Variants in ZC3HAV1 observed in about 807,000 individuals in gnomAD.
The protein encoded by ZC3HAV1 is zinc finger CCCH-type antiviral protein 1.
A neutral mutation model predicts 86.6 loss-of-function variants in ZC3HAV1; 41 were observed. The observed-to-expected ratio is 0.47, with a 90% CI of 0.37 to 0.61. The LOEUF (loss-of-function observed/expected upper bound fraction) is 0.61. Among genes scored for constraint, ZC3HAV1 ranks in the 20% least tolerant of loss-of-function variants. The pLI is 0.00. For synonymous variants in ZC3HAV1, 421 were observed against 432.1 expected, an observed-to-expected ratio of 0.97 and a Z score of 0.32; for missense variants, 964 against 1,141.1, an observed-to-expected ratio of 0.84 and a Z score of 2.24.
At chr7:139,084,949 C>T (rs962243291) in intron 2 of ZC3HAV1, among the ~76,000 whole-genome samples, 2 of 152,210 alleles carry the variant, frequency 1.3e-5, no homozygotes, top group Admixed American at 1.3e-4. Context: ...TCAAACCCCA[C>T]TAGCAATGAT....
intron 1 of ZC3HAV1, among the ~76,000 whole-genome samples, chr7:139,097,446 T>C (rs1817637947): frequency 8.0e-6 from 1 of 124,962 alleles, no homozygotes; most frequent in Non-Finnish European, 1.7e-5. Context: ...TTTTTTTTTT[T>C]TTCTTTGAGA....
chr7:139,080,083 C>A lies in ZC3HAV1; in HGVS notation c.858G>T (p.Glu286Asp), dbSNP rs2130706419. The part of the protein sequence containing the change: ...PDQISHRASL[E>D]DAPVDDLTRK... ...GGGTGAGATCGTCCACAGGCGCGTC[C>A]TCCAGGGAAGCCCTGTGGCTGATCT... Residue 286 changes from glutamate (E) to aspartate (D), a missense_variant, in exon 4 of 13, where the codon GAG (glutamate) becomes GAT (aspartate). Transcript: ENST00000242351. 6.2e-7 allele frequency: 1 copy of A among 1,614,202 alleles called. No individual in the cohort carries two copies. Among genetic ancestry groups the A allele is most frequent in the Middle Eastern group, 1.6e-4 (1 of 6,062 alleles).
chr7:139,109,360 G>T lies in ZC3HAV1; in HGVS notation c.-29C>A. Reference sequence around the variant, plus strand: ...GCGCTGGCTGTGCTGGCTCTGCCGCGGCGCGGGACTCGGTTCCGCGGAAAT... The same window carrying T: ...GCGCTGGCTGTGCTGGCTCTGCCGCTGCGCGGGACTCGGTTCCGCGGAAAT... On this transcript the variant is annotated 5_prime_UTR_variant, in exon 1 of 13. Transcript: ENST00000242351. 1 of 1,535,346 alleles carries T rather than the reference G, an allele frequency of 6.5e-7. No homozygotes were observed. Among genetic ancestry groups the T allele is most frequent in the South Asian group, 1.2e-5 (1 of 81,158 alleles).
intron 1 of ZC3HAV1, among the ~76,000 whole-genome samples, chr7:139,103,062 C>T (rs1000414546): frequency 6.7e-6 from 1 of 150,046 alleles, no homozygotes; most frequent in African/African-American, 2.4e-5. Flanking sequence ...TTTTTGGAGA[C>T]AGAGCCACAC....
intron 5 of ZC3HAV1, among the ~76,000 whole-genome samples, chr7:139,077,849 C>T (rs1404697832): frequency 1.3e-5 from 2 of 152,198 alleles, no homozygotes; most frequent in Non-Finnish European, 2.9e-5. Flanking sequence ...TGCAGGGACA[C>T]CCATAGAGTG....
intron 1 of ZC3HAV1, among the ~76,000 whole-genome samples, chr7:139,105,776 A>C (rs1817916340): frequency 1.3e-5 from 2 of 152,236 alleles, no homozygotes; most frequent in African/African-American, 4.8e-5. Flanking sequence ...AGACCCCATT[A>C]ACTGGTAATC....
chr7:139,079,844 G>A lies in ZC3HAV1; in HGVS notation c.1097C>T (p.Thr366Met), dbSNP rs769854517. 1.2e-5 allele frequency: 20 copies of A among 1,614,022 alleles called. No homozygotes were observed. Among genetic ancestry groups the A allele is most frequent in the African/African-American group, 4.0e-5 (3 of 74,902 alleles). ...CTTTCTCCTGGCGCCTTGGTCATTC[G>A]TCCAGGATGTGAGGCTCTTCCAGTT... ...APNWKSLTSW[T>M]NDQGARRKTV... Residue 366 changes from threonine to methionine, a missense_variant, in exon 4 of 13, where the codon ACG becomes ATG. Physicochemically the swap from Thr to Met is moderately conservative, Grantham distance 81. Transcript: ENST00000242351.
intron 9 of ZC3HAV1, among the ~76,000 whole-genome samples, chr7:139,060,047 T>C (rs1394282746): frequency 1.3e-5 from 2 of 152,138 alleles, no homozygotes; most frequent in Non-Finnish European, 2.9e-5. Flanking sequence ...GTTAACCTGG[T>C]CCCAAGAAAG....
In ZC3HAV1 at chr7:139,079,734, T is replaced by A. The variant is rs748527282; in HGVS notation, c.1207A>T (p.Thr403Ser). ...TPEAVTTRKG[T>S]GLLSSDYRII... ...CTGTAGTCTGAGGAAAGCAAGCCTG[T>A]GCCCTTTCTGGTGGTCACAGCTTCA... Residue 403 changes from threonine to serine, a missense_variant, in exon 4 of 13, where the codon ACA becomes TCA. Physicochemically the swap from Thr to Ser is moderately conservative, Grantham distance 58 (BLOSUM62 1). Coordinates refer to ENST00000242351, the MANE Select transcript of ZC3HAV1 (RefSeq NM_020119.4). 2 of 1,614,224 alleles carry A rather than the reference T, an allele frequency of 1.2e-6. No homozygotes were observed. The highest frequency in any genetic ancestry group is 2.2e-5 in the South Asian group (2 of 91,082).
At chr7:139,086,495 G>A (rs1331891650) in intron 2 of ZC3HAV1, among the ~76,000 whole-genome samples, 1 of 146,040 alleles carries the variant, frequency 6.8e-6, no homozygotes, top group Non-Finnish European at 1.5e-5. Flanking sequence ...ATAAAAGTAT[G>A]ATGACAACAT....
rs2130743598 is a variant in ZC3HAV1 at position 139,106,170 on chromosome 7, A to T, written c.308+2854T>A. 1.3e-5 allele frequency among the ~76,000 whole-genome samples: 2 copies of T among 152,366 alleles called. 1 individual carries two copies. Among genetic ancestry groups the T allele is most frequent in the South Asian group, 4.1e-4 (2 of 4,834 alleles). On this transcript the variant is annotated intron_variant, in intron 1 of 12. Transcript: ENST00000242351. The stretch of plus-strand genomic sequence containing the variant: ...TATTCTTATAAAAGTGGAGGTTAAC[A>T]ACCCAATTAACGAGTTTAAAACAGT...
At chr7:139,079,380 C>A in intron 4 of ZC3HAV1, 90 bp downstream of exon 4, 1 of 1,606,954 alleles carries the variant, frequency 6.2e-7, no homozygotes, top group Non-Finnish European at 8.5e-7. Context: ...GTTTTTTCTA[C>A]ATCAGTAGTT....
intron 7 of ZC3HAV1, among the ~76,000 whole-genome samples, chr7:139,073,280 T>C (rs1816834730): frequency 6.6e-6 from 1 of 151,830 alleles, no homozygotes. Flanking sequence ...GCATGGGTGA[T>C]AAGAGTGAAA....
At chr7:139,074,052 T>A in intron 6 of ZC3HAV1, 22 bp from the exon 7 acceptor site, 1 of 1,601,096 alleles carries the variant, frequency 6.2e-7, no homozygotes, top group Middle Eastern at 1.7e-4. Context: ...AAGTATTAAG[T>A]TAACATAATG....
Position 139,060,491 on chromosome 7 carries a change from T to C in ZC3HAV1, c.2096+545A>G, listed in dbSNP as rs139879459. ...CTAGCTCATCCCTTTTTTCTATCTC[T>C]TTCTCCGCCCCTCATCCTCTATAAA... On this transcript the variant is annotated intron_variant, in intron 9 of 12. Transcript: ENST00000242351. The C allele has an allele frequency of 2.3e-4, 227 of 992,340 alleles. No homozygotes were observed. In the Middle Eastern group the frequency reaches 3.1e-3, roughly 14 times the overall value. 61.5% of individuals were successfully genotyped at this position (992,340 alleles called of 1,614,324 possible).
chr7:139,076,739 A>G (rs1162164252), intron 5 of ZC3HAV1, among the ~76,000 whole-genome samples: 1 of 152,004 alleles, frequency 6.6e-6, no homozygotes, highest in Non-Finnish European at 1.5e-5. Flanking sequence ...TAAAAATACA[A>G]AAATTAGCCA....
intron 8 of ZC3HAV1, among the ~76,000 whole-genome samples, chr7:139,063,687 G>T (rs560243814): frequency 7.0e-6 from 1 of 143,312 alleles, no homozygotes; most frequent in Non-Finnish European, 1.5e-5. Flanking sequence ...TGGCATCACC[G>T]CACTCTAGCC....
chr7:139,077,198 T>C (rs1367289700), intron 5 of ZC3HAV1, among the ~76,000 whole-genome samples: 1 of 152,190 alleles, frequency 6.6e-6, no homozygotes, highest in Non-Finnish European at 1.5e-5. Context: ...TTATATGTTT[T>C]TACTTACTTC....
chr7:139,060,206 C>T (rs1242748381), intron 9 of ZC3HAV1: 1 of 980,602 alleles, frequency 1.0e-6, no homozygotes, highest in Non-Finnish European at 1.2e-6. Flanking sequence ...TTAGTAACTT[C>T]CTTTTTCATC....
Sources: gnomAD v4.1 joint callset for allele counts (sites outside exome capture counted in the v4.1 genomes callset) on GRCh38, gnomAD v4.1.1 for gene constraint, MANE v1.5 for transcripts, NCBI Gene and HGNC (gene_info 2026-07-23, HGNC 2026-07-21) for gene names.